UBE2E3: variants seen among roughly 807,000 people sequenced by gnomAD.
UBE2E3 encodes ubiquitin-conjugating enzyme E2 E3.
Under a neutral mutation model 23.6 loss-of-function variants are expected in UBE2E3, and 5 were observed. That is an observed-to-expected ratio of 0.21 (90% CI 0.11 to 0.44). The LOEUF is 0.44. UBE2E3 is among the 20% of genes least tolerant of loss of function. The probability of loss-of-function intolerance (pLI) is 0.99; values close to 1 mark genes in which losing one functional copy is unlikely to be tolerated. For missense variants in UBE2E3, 81 were observed against 249.8 expected (o/e 0.32, Z 4.55); for synonymous variants, 78 against 87.5 (o/e 0.89, Z 0.60).
intron 3 of UBE2E3, among the ~76,000 whole-genome samples, chr2:181,028,062 C>T (rs968859913): frequency 2.0e-5 from 3 of 152,012 alleles, no homozygotes; most frequent in African/African-American, 7.2e-5. Context: ...TGTTTTCATT[C>T]ATTTCCTTAC....
intron 3 of UBE2E3, among the ~76,000 whole-genome samples, chr2:181,056,656 G>A (rs1191052623): frequency 6.6e-6 from 1 of 151,744 alleles, no homozygotes; most frequent in Non-Finnish European, 1.5e-5. Context: ...CCGCGTTTGG[G>A]GGTCAGATTT....
intron 3 of UBE2E3, among the ~76,000 whole-genome samples, chr2:181,005,374 A>G (rs1685120344): frequency 6.6e-6 from 1 of 152,176 alleles, no homozygotes; most frequent in African/African-American, 2.4e-5. Context: ...AGCTGAGTAT[A>G]TTATATCCAT....
intron 3 of UBE2E3, among the ~76,000 whole-genome samples, chr2:181,047,938 T>G (rs899201581): frequency 6.8e-6 from 1 of 146,502 alleles, no homozygotes; most frequent in Non-Finnish European, 1.5e-5. Context: ...TTGTTACAGC[T>G]TCCCTCATTA....
intron 3 of UBE2E3, among the ~76,000 whole-genome samples, chr2:181,043,933 A>C (rs780784071): frequency 4.2e-4 from 64 of 152,254 alleles, no homozygotes; most frequent in Non-Finnish European, 7.5e-4. Flanking sequence ...TGGACATTTA[A>C]GTTATTTTGA....
At chr2:181,053,985 T>C (rs1367640730) in intron 3 of UBE2E3, among the ~76,000 whole-genome samples, 3 of 151,822 alleles carry the variant, frequency 2.0e-5, no homozygotes, top group Non-Finnish European at 4.4e-5. Context: ...CTTACTAATA[T>C]GCATTTAAGT....
At chr2:181,033,634 T>A (rs942988765) in intron 3 of UBE2E3, among the ~76,000 whole-genome samples, 1 of 152,054 alleles carries the variant, frequency 6.6e-6, no homozygotes, top group African/African-American at 2.4e-5. Flanking sequence ...AGACTTCATG[T>A]CTAAAACACC....
At chr2:181,045,690 A>G (rs1466701521) in intron 3 of UBE2E3, among the ~76,000 whole-genome samples, 1 of 152,150 alleles carries the variant, frequency 6.6e-6, no homozygotes, top group Non-Finnish European at 1.5e-5. Flanking sequence ...TTGGCAGCCA[A>G]GGTTGGGACC....
At chr2:181,054,614 A>G (rs1471228820) in intron 3 of UBE2E3, among the ~76,000 whole-genome samples, 1 of 151,824 alleles carries the variant, frequency 6.6e-6, no homozygotes, top group Non-Finnish European at 1.5e-5. Flanking sequence ...GGTTCATCGT[A>G]TATTTTTGAT....
intron 3 of UBE2E3, among the ~76,000 whole-genome samples, chr2:181,046,062 C>G (rs983894876): frequency 1.3e-5 from 2 of 152,118 alleles, no homozygotes; most frequent in African/African-American, 4.8e-5. Context: ...TTCTGTTCAT[C>G]ACTGTATTTT....
intron 3 of UBE2E3, among the ~76,000 whole-genome samples, chr2:180,988,557 T>G (rs772699474): frequency 6.6e-6 from 1 of 152,206 alleles, no homozygotes; most frequent in Admixed American, 6.5e-5. Flanking sequence ...TAGAAGAATT[T>G]GTGATTTTAC....
At position 181,029,603 on chromosome 2, in the gene UBE2E3, T is replaced by C. The variant is rs190138644; in HGVS notation, c.246-28090T>C. 2.0e-5 allele frequency among the ~76,000 whole-genome samples: 3 copies of C among 152,080 alleles called. No individual in the cohort carries two copies. In the East Asian group the frequency reaches 5.8e-4, roughly 29 times the overall value. ...TAGCAACCTTGTATAAATGTTCTTT[T>C]TAATTCTAATAATTTGCTTATACAT... On this transcript the variant is annotated intron_variant, in intron 3 of 5. Coordinates refer to ENST00000410062, the MANE Select transcript of UBE2E3 (RefSeq NM_006357.4).
At chr2:181,021,632 T>TTTCCTTCCTTCC (rs544002192) in intron 3 of UBE2E3, among the ~76,000 whole-genome samples, 5,907 of 39,694 alleles carry the variant, frequency 0.15, 560 homozygotes, top group Admixed American at 0.21. Context: ...CCCTCCCTTT[T>TTTCCTTCCTTCC]TTCCTTCCTT....
intron 3 of UBE2E3, among the ~76,000 whole-genome samples, chr2:180,984,622 G>T (rs1684397385): frequency 6.6e-6 from 1 of 152,138 alleles, no homozygotes; most frequent in South Asian, 2.1e-4. Flanking sequence ...TGCATTGTTG[G>T]AATTATTTAC....
chr2:180,991,784 A>G (rs769984537), intron 3 of UBE2E3, among the ~76,000 whole-genome samples: 1 of 151,970 alleles, frequency 6.6e-6, no homozygotes, highest in Admixed American at 6.6e-5. Flanking sequence ...GAGCATATAC[A>G]GTATGGATAA....
intron 3 of UBE2E3, among the ~76,000 whole-genome samples, chr2:180,996,639 C>A (rs752097038): frequency 6.6e-6 from 1 of 152,196 alleles, no homozygotes; most frequent in South Asian, 2.1e-4. Context: ...TCTTCCCCCC[C>A]ATTTCCAGGT....
chr2:181,013,433 C>T (rs73037095), intron 3 of UBE2E3, among the ~76,000 whole-genome samples: 1 of 150,624 alleles, frequency 6.6e-6, no homozygotes, highest in Non-Finnish European at 1.5e-5. Context: ...AGGTGGCTCA[C>T]TCACATAAAA....
At chr2:181,013,701 A>G (rs1283706213) in intron 3 of UBE2E3, among the ~76,000 whole-genome samples, 1 of 152,160 alleles carries the variant, frequency 6.6e-6, no homozygotes, top group Non-Finnish European at 1.5e-5. Flanking sequence ...ATGGGTGTGT[A>G]TATGTGTGCA....
At chr2:181,035,579 C>CAT (rs1559129969) in intron 3 of UBE2E3, among the ~76,000 whole-genome samples, 2 of 152,106 alleles carry the variant, frequency 1.3e-5, no homozygotes, top group African/African-American at 4.8e-5. Flanking sequence ...AGTAATGATA[C>CAT]ATAGCAAGCT....
chr2:181,054,296 A>G (rs1686927061), intron 3 of UBE2E3, among the ~76,000 whole-genome samples: 1 of 151,892 alleles, frequency 6.6e-6, no homozygotes. Context: ...GTGGACATCC[A>G]GATGCATAAA....
Sources: gnomAD v4.1 joint callset for allele counts (sites outside exome capture counted in the v4.1 genomes callset) on GRCh38, gnomAD v4.1.1 for gene constraint, MANE v1.5 for transcripts, NCBI Gene and HGNC (gene_info 2026-07-23, HGNC 2026-07-21) for gene names.